The following GML variants were observed in gnomAD, a reference collection of about 807,000 sequenced individuals.
GML encodes the protein glycosylphosphatidylinositol anchored molecule like, also known as glycosyl-phosphatidylinositol-anchored molecule-like protein.
A neutral mutation model predicts 8.2 loss-of-function variants in GML; 5 were observed. The ratio of observed to expected loss-of-function variants is 0.61; its 90% CI spans 0.32 to 1.28. The LOEUF is 1.28. Among genes scored for constraint, GML ranks in the 50% most tolerant of loss-of-function variants. GML has a pLI of 0.06. For synonymous variants in GML, 72 were observed against 69.0 expected, an observed-to-expected ratio of 1.04 and a Z score of -0.22; for missense variants, 191 against 198.3, an observed-to-expected ratio of 0.96 and a Z score of 0.22.
At position 142,840,417 on chromosome 8, in the gene GML, T is replaced by C; in HGVS notation, c.-21T>C. ...TTGTATGGGGCTCCTTCCCTTCAGG[T>C]CCAGGCTCCTGCGTGAAGTGATGCT... On this transcript the variant is annotated splice_region_variant and 5_prime_UTR_variant, in exon 2 of 4. Transcript: ENST00000220940. 1 of 1,603,746 alleles carries C rather than the reference T, an allele frequency of 6.2e-7. No individual in the cohort carries two copies. The highest frequency in any genetic ancestry group is 8.5e-7 in the Non-Finnish European group (1 of 1,170,602).
In GML at chr8:142,840,490, G is replaced by A; in HGVS notation, c.53G>A (p.Ser18Asn). 1 of 1,609,700 alleles carries A rather than the reference G, an allele frequency of 6.2e-7. No individual in the cohort carries two copies. Among genetic ancestry groups the A allele is most frequent in the East Asian group, 2.2e-5 (1 of 44,848 alleles). ...ATGGAGCTCCCATTGGTGGCAGCCA[G>A]TGCCACCATGCGCGCTCAGTGTAAG... is the stretch of plus-strand genomic sequence containing the variant. ...LAMELPLVAA[S>N]ATMRAQWTYS... is the part of the protein sequence containing the mutation. Residue 18 changes from serine (S) to asparagine (N), a missense_variant, in exon 2 of 4, where the codon AGT becomes AAT. Coordinates refer to ENST00000220940, the MANE Select transcript of GML (RefSeq NM_002066.3).
chr8:142,840,812 T>C (rs772634885), intron 2 of GML, among the ~76,000 whole-genome samples: 21 of 152,080 alleles, frequency 1.4e-4, no homozygotes, highest in Non-Finnish European at 2.8e-4. Flanking sequence ...CCCCTGTGAG[T>C]ATCCAGTCTT....
At chr8:142,845,087 T>C (rs1816487288) in intron 3 of GML, among the ~76,000 whole-genome samples, 1 of 152,236 alleles carries the variant, frequency 6.6e-6, no homozygotes, top group Non-Finnish European at 1.5e-5. Flanking sequence ...GCTATGCAAT[T>C]TTGAGAATGA....
At chr8:142,842,231 T>A (rs566025433) in intron 3 of GML, among the ~76,000 whole-genome samples, 1 of 152,298 alleles carries the variant, frequency 6.6e-6, no homozygotes, top group East Asian at 1.9e-4. Flanking sequence ...CATTGTAAGT[T>A]TCCTGAGGCC....
intron 1 of GML, 76 bp from the exon 2 acceptor site, chr8:142,840,340 C>T (rs1263241576): frequency 2.9e-5 from 26 of 893,128 alleles, no homozygotes; most frequent in Non-Finnish European, 3.7e-5. Context: ...CTCATGAGGC[C>T]GTTGAGGCCA....
Position 142,846,730 on chromosome 8 carries a change from C to T in GML, c.*40C>T, listed in dbSNP as rs150154295. On this transcript the variant is annotated 3_prime_UTR_variant, in exon 4 of 4. Transcript: ENST00000220940. Reference sequence around the variant, plus strand: ...AGGGTCTGACCATCTTCACCTGTTCCGCAGAGAAATGTTGCTCTCCATTAT... The same window carrying T: ...AGGGTCTGACCATCTTCACCTGTTCTGCAGAGAAATGTTGCTCTCCATTAT... 4.0e-5 allele frequency: 58 copies of T among 1,453,484 alleles called. No individual in the cohort carries two copies. Among genetic ancestry groups the T allele is most frequent in the East Asian group, 2.5e-4 (11 of 44,038 alleles). 90.0% of individuals were successfully genotyped at this position (1,453,484 alleles called of 1,614,324 possible). A position where few individuals can be genotyped will look rare whatever the true frequency, so the allele number is the denominator to read the frequency against.
chr8:142,841,207 T>C lies in GML; in HGVS notation c.163T>C (p.Cys55Arg), dbSNP rs1432138150. The C allele has an allele frequency of 6.8e-7, 1 of 1,473,698 alleles. No homozygotes were observed. Among genetic ancestry groups the C allele is most frequent in the East Asian group, 2.3e-5 (1 of 43,926 alleles). 91.3% of individuals were successfully genotyped at this position (1,473,698 alleles called of 1,614,324 possible). The part of the protein sequence containing the change: ...IRVCPYHIRR[C>R]MTISIRINSR... ...AGTATGTCCGTATCATATTAGGCGC[T>C]GTATGACAATCTCCATTCGTAAGTA... The change falls in exon 3 of 4, where the codon TGT becomes CGT. Residue 55 changes from cysteine to arginine, a missense_variant. By Grantham distance (180) the Cys-to-Arg change is radical. Transcript: ENST00000220940.
chr8:142,842,312 C>G (rs1816445009), intron 3 of GML, among the ~76,000 whole-genome samples: 1 of 152,184 alleles, frequency 6.6e-6, no homozygotes, highest in African/African-American at 2.4e-5. Context: ...TCGGGCAGTT[C>G]TTTATAGCAG....
chr8:142,844,515 G>T (rs545782501), intron 3 of GML, among the ~76,000 whole-genome samples: 1 of 152,240 alleles, frequency 6.6e-6, no homozygotes, highest in African/African-American at 2.4e-5. Context: ...TAGTATAACC[G>T]CAAGCCACGG....
rs1279445306 is a variant in GML at position 142,846,387 on chromosome 8, T to C, written c.182-8T>C. 3 of 1,571,384 alleles carry C rather than the reference T, an allele frequency of 1.9e-6. No individual in the cohort carries two copies. Among genetic ancestry groups the C allele is most frequent in the Non-Finnish European group, 2.6e-6 (3 of 1,149,148 alleles). On this transcript the variant is annotated splice_region_variant and splice_polypyrimidine_tract_variant and intron_variant, in intron 3 of 3. Coordinates refer to ENST00000220940, the MANE Select transcript of GML (RefSeq NM_002066.3). ...ATCAATTATTTTCATTGCTGCTTCT[T>C]TTTTTAGGCATAAATTCTCGTGAAC...
chr8:142,839,900 G>A (rs1293775928), intron 1 of GML, among the ~76,000 whole-genome samples: 2 of 152,128 alleles, frequency 1.3e-5, no homozygotes, highest in Non-Finnish European at 2.9e-5. Flanking sequence ...GAGTTCTCTC[G>A]TAATGACACT....
intron 3 of GML, 76 bp from the exon 4 acceptor site, chr8:142,846,319 G>A: frequency 1.1e-6 from 1 of 878,564 alleles, no homozygotes; most frequent in Non-Finnish European, 1.8e-6. Context: ...ATGGTTGAAT[G>A]TGAGGTGTAT....
intron 3 of GML, among the ~76,000 whole-genome samples, chr8:142,844,327 T>C (rs1009014300): frequency 6.6e-6 from 1 of 152,192 alleles, no homozygotes; most frequent in African/African-American, 2.4e-5. Context: ...TAGATCTCAA[T>C]GTAAATATTA....
chr8:142,838,578 G>T (rs919581517), intron 1 of GML, among the ~76,000 whole-genome samples: 5 of 151,984 alleles, frequency 3.3e-5, no homozygotes, highest in African/African-American at 1.2e-4. Flanking sequence ...AAGCCTCTGG[G>T]TAAGGAATTC....
chr8:142,841,207 T>A lies in GML; in HGVS notation c.163T>A (p.Cys55Ser). Residue 55 changes from cysteine to serine, a missense_variant, in exon 3 of 4, where the codon TGT becomes AGT. By Grantham distance (112) the Cys-to-Ser change is moderately radical (BLOSUM62 -1). Coordinates refer to ENST00000220940, the MANE Select transcript of GML (RefSeq NM_002066.3). ...IRVCPYHIRR[C>S]MTISIRINSR... is the part of the protein sequence containing the mutation. ...AGTATGTCCGTATCATATTAGGCGC[T>A]GTATGACAATCTCCATTCGTAAGTA... The A allele has an allele frequency of 6.8e-7, 1 of 1,473,698 alleles. No homozygotes were observed. The highest frequency in any genetic ancestry group is 2.3e-5 in the East Asian group (1 of 43,926). 91.3% of individuals were successfully genotyped at this position (1,473,698 alleles called of 1,614,324 possible).
At chr8:142,843,255 T>TACACACACACACACAC (rs55778635) in intron 3 of GML, among the ~76,000 whole-genome samples, 4,090 of 139,972 alleles carry the variant, frequency 0.029, 93 homozygotes, top group East Asian at 0.061. Context: ...AAAAGGTTCA[T>TACACACACACACACAC]ACACACACAC....
At position 142,842,007 on chromosome 8, in the gene GML, A is replaced by C. The variant is rs576806502; in HGVS notation, c.181+782A>C. ...CTCGGTGTGGTTTGGCTATGTCCCC[A>C]CCCAGATCTCATCTTGAATTGTAAC... On this transcript the variant is annotated intron_variant, in intron 3 of 3. Transcript: ENST00000220940. Among the ~76,000 whole-genome samples, 3 of 152,110 alleles carry C rather than the reference A, an allele frequency of 2.0e-5. No individual in the cohort carries two copies. In the South Asian group the frequency reaches 6.2e-4, roughly 32 times the overall value.
intron 1 of GML, among the ~76,000 whole-genome samples, chr8:142,836,523 A>C (rs2299610): frequency 0.32 from 48,295 of 152,104 alleles, 9,239 homozygotes; most frequent in Admixed American, 0.41. Context: ...TGCTAATGTC[A>C]ACATTTGAGT....
chr8:142,841,921 G>A (rs1816440407), intron 3 of GML, among the ~76,000 whole-genome samples: 1 of 152,150 alleles, frequency 6.6e-6, no homozygotes. Context: ...GGTTGTGCTT[G>A]CAACTTCACA....
Sources: allele counts gnomAD v4.1 joint callset (sites outside exome capture counted in the v4.1 genomes callset), GRCh38; gene constraint gnomAD v4.1.1; transcripts MANE v1.5; gene names NCBI Gene and HGNC (gene_info 2026-07-23, HGNC 2026-07-21).